Variants in FBN2 observed in about 807,000 individuals in gnomAD.
FBN2 encodes fibrillin 2.
In FBN2, 105 loss-of-function variants were observed where a neutral mutation model predicts 355.6. The observed-to-expected ratio is 0.30, with a 90% CI of 0.25 to 0.35. FBN2 has a LOEUF of 0.35. Ranked by LOEUF, FBN2 falls within the 10% of genes least tolerant of loss-of-function variation. The pLI, the probability that FBN2 is intolerant of heterozygous loss-of-function variation, is 1.00. For missense variants in FBN2, 3,280 were observed against 3,758.7 expected (o/e 0.87, Z 3.33); for synonymous variants, 1,350 against 1,301.2 (o/e 1.04, Z -0.81).
Position 128,311,340 on chromosome 5 carries a change from T to C in FBN2, c.5034A>G (p.Pro1678=). 6.2e-7 allele frequency: 1 copy of C among 1,614,146 alleles called. No homozygotes were observed. Among genetic ancestry groups the C allele is most frequent in the Non-Finnish European group, 8.5e-7 (1 of 1,180,010 alleles). ...TATCCTCGCTGAGGTAGTAGCCTTG[T>C]GGGCACTCACACTGGAAGCTCCCAA... ...NTFGSFQCEC[P]QGYYLSEDTR... Residue 1678 remains proline, a synonymous_variant, in exon 39 of 65, where the codon CCA becomes CCG. Coordinates refer to ENST00000262464, the MANE Select transcript of FBN2 (RefSeq NM_001999.4).
chr5:128,492,047 G>A (rs144539628), intron 5 of FBN2, among the ~76,000 whole-genome samples: 37 of 152,202 alleles, frequency 2.4e-4, no homozygotes, highest in Admixed American at 1.4e-3. Flanking sequence ...ATACCTAAAT[G>A]AGGGTTAAGT....
intron 24 of FBN2, 91 bp downstream of exon 24, chr5:128,345,266 G>T: frequency 9.4e-7 from 1 of 1,069,478 alleles, no homozygotes; most frequent in Non-Finnish European, 1.5e-6. Flanking sequence ...AAAGTGGGAA[G>T]TCAAACATTT....
At chr5:128,287,084 T>TA (rs1336949605) in intron 54 of FBN2, among the ~76,000 whole-genome samples, 1 of 152,088 alleles carries the variant, frequency 6.6e-6, no homozygotes, top group East Asian at 1.9e-4. Flanking sequence ...AATCCAAGAG[T>TA]GTGAGAATAG....
chr5:128,521,699 A>C (rs1756437995), intron 4 of FBN2, among the ~76,000 whole-genome samples: 1 of 152,238 alleles, frequency 6.6e-6, no homozygotes, highest in Non-Finnish European at 1.5e-5. Flanking sequence ...CTCTTATCAC[A>C]ATGCCAGCCT....
At chr5:128,500,460 T>TC (rs1755780048) in intron 5 of FBN2, among the ~76,000 whole-genome samples, 1 of 112,124 alleles carries the variant, frequency 8.9e-6, no homozygotes, top group East Asian at 2.4e-4. Flanking sequence ...TTTTTTTTTT[T>TC]CAGACAGGGT....
chr5:128,472,793 GAA>G (rs11348827), intron 5 of FBN2, among the ~76,000 whole-genome samples: 38 of 133,770 alleles, frequency 2.8e-4, no homozygotes, highest in African/African-American at 6.5e-4. Flanking sequence ...CTCCGTCTCA[GAA>G]AAAAAAAAAA....
rs78056690 is a variant in FBN2, at chr5:128,438,486, C to T, written c.952+7995G>A. ...AAAATCAAACACATTTCATTTGACA[C>T]TCTTAAACTTTTATTGATTTATAAA... On this transcript the variant is annotated intron_variant, in intron 7 of 64. Coordinates refer to ENST00000262464, the MANE Select transcript of FBN2 (RefSeq NM_001999.4). 8.5e-3 allele frequency among the ~76,000 whole-genome samples: 1,295 copies of T among 152,288 alleles called. 17 individuals carry two copies. The highest frequency in any genetic ancestry group is 0.028 in the African/African-American group (1,164 of 41,542).
In FBN2 at chr5:128,263,600, G is replaced by T; in HGVS notation, c.8017C>A (p.Leu2673Met). Residue 2673 changes from leucine to methionine, a missense_variant, in exon 63 of 65, where the codon CTG (leucine) becomes ATG (methionine). Leu to Met is a conservative substitution (Grantham distance 15). Coordinates refer to ENST00000262464, the MANE Select transcript of FBN2 (RefSeq NM_001999.4). Reference protein sequence around the residue: ...ACGSASCYNTLGSYKCACPSG... With the variant: ...ACGSASCYNTMGSYKCACPSG... Reference sequence around the variant, plus strand: ...GGGCAGGCGCACTTGTAACTCCCCAGGGTGTTGTAGCAGGAAGCAGAGCCA... The same window carrying T: ...GGGCAGGCGCACTTGTAACTCCCCATGGTGTTGTAGCAGGAAGCAGAGCCA... 1 of 1,614,128 alleles carries T rather than the reference G, an allele frequency of 6.2e-7. No homozygotes were observed. The highest frequency in any genetic ancestry group is 1.1e-5 in the South Asian group (1 of 91,082).
At chr5:128,506,121 A>G (rs1755952400) in intron 5 of FBN2, among the ~76,000 whole-genome samples, 1 of 152,128 alleles carries the variant, frequency 6.6e-6, no homozygotes, top group Non-Finnish European at 1.5e-5. Context: ...TCTCATTGTG[A>G]TTTTAGTTTG....
intron 4 of FBN2, among the ~76,000 whole-genome samples, chr5:128,520,568 T>A (rs1756403794): frequency 1.3e-5 from 2 of 152,182 alleles, no homozygotes; most frequent in Non-Finnish European, 2.9e-5. Context: ...AGTAGCACAG[T>A]AATGCTGCTA....
chr5:128,480,739 A>C (rs1446096245), intron 5 of FBN2, among the ~76,000 whole-genome samples: 2 of 152,208 alleles, frequency 1.3e-5, no homozygotes, highest in African/African-American at 4.8e-5. Context: ...AAATAAATAA[A>C]GAAATAAATC....
chr5:128,308,789 T>C lies in FBN2; in HGVS notation c.5353+458A>G, dbSNP rs368939535. Among the ~76,000 whole-genome samples, 5 of 152,346 alleles carry C rather than the reference T, an allele frequency of 3.3e-5. 1 individual carries two copies. In the South Asian group the frequency reaches 6.2e-4, roughly 19 times the overall value. On this transcript the variant is annotated intron_variant, in intron 41 of 64. Coordinates refer to ENST00000262464, the MANE Select transcript of FBN2 (RefSeq NM_001999.4). The stretch of plus-strand genomic sequence containing the variant: ...ACATTATGACAATGGGTTGCTTTTA[T>C]GTAAAATTCGCTCATAAAAAACACT...
chr5:128,498,180 C>T (rs1264179969), intron 5 of FBN2, among the ~76,000 whole-genome samples: 1 of 152,186 alleles, frequency 6.6e-6, no homozygotes, highest in Non-Finnish European at 1.5e-5. Context: ...AGGTTGACAC[C>T]ATCAAAGTGA....
intron 6 of FBN2, among the ~76,000 whole-genome samples, chr5:128,452,573 T>G (rs1043948384): frequency 1.3e-5 from 2 of 152,160 alleles, no homozygotes; most frequent in Non-Finnish European, 2.9e-5. Flanking sequence ...ATGTGCAGTA[T>G]TATAGGCATA....
rs1015259749 is a variant in FBN2, at chr5:128,291,024, T to C, written c.6293-140A>G. On this transcript the variant is annotated intron_variant, in intron 49 of 64. Coordinates refer to ENST00000262464, the MANE Select transcript of FBN2 (RefSeq NM_001999.4). ...GAAATCTTCGATTGCTGATTTCATT[T>C]GCCAATTTAGACTGACCTGGCTATA... The C allele has an allele frequency of 1.1e-5, 8 of 715,722 alleles. No homozygotes were observed. In the South Asian group the frequency reaches 1.4e-4, roughly 13 times the overall value. The allele number at this position is 715,722 out of a possible 1,614,324, so 44.3% of individuals were successfully genotyped here.
At chr5:128,390,380 T>C (rs1752480860) in intron 11 of FBN2, among the ~76,000 whole-genome samples, 1 of 152,142 alleles carries the variant, frequency 6.6e-6, no homozygotes, top group Non-Finnish European at 1.5e-5. Context: ...TTACTTTTTT[T>C]TTTTAATCAT....
At chr5:128,501,017 C>T (rs1165529072) in intron 5 of FBN2, among the ~76,000 whole-genome samples, 1 of 152,150 alleles carries the variant, frequency 6.6e-6, no homozygotes. Context: ...AAAGGATTCT[C>T]AGGGAGCAGC....
Position 128,351,123 on chromosome 5 carries a change from C to T in FBN2, c.2675-118G>A, listed in dbSNP as rs1751345873. 4.8e-6 allele frequency: 6 copies of T among 1,241,354 alleles called. No individual in the cohort carries two copies. The South Asian group carries it at 7.4e-5, about 15-fold the overall frequency. 76.9% of individuals were successfully genotyped at this position (1,241,354 alleles called of 1,614,324 possible). A position where few individuals can be genotyped will look rare whatever the true frequency, so the allele number is the denominator to read the frequency against. ...AAAAAGAAAGATTACTGGCTCACGC[C>T]TGTAATCCCAGCACTTTGGGAGGCT... On this transcript the variant is annotated intron_variant, in intron 20 of 64. Coordinates refer to ENST00000262464, the MANE Select transcript of FBN2 (RefSeq NM_001999.4).
intron 5 of FBN2, among the ~76,000 whole-genome samples, chr5:128,467,137 C>A (rs1032371957): frequency 1.3e-5 from 2 of 152,084 alleles, no homozygotes; most frequent in Admixed American, 6.6e-5. Context: ...TAGATTCATT[C>A]CTTCTTCTAA....
Sources: gnomAD v4.1 joint callset for allele counts (sites outside exome capture counted in the v4.1 genomes callset) on GRCh38, gnomAD v4.1.1 for gene constraint, MANE v1.5 for transcripts, NCBI Gene and HGNC (gene_info 2026-07-23, HGNC 2026-07-21) for gene names.